HLA-DMB: variants seen among roughly 807,000 people sequenced by gnomAD.
HLA-DMB encodes the protein major histocompatibility complex, class II, DM beta.
In HLA-DMB, 18 loss-of-function variants were observed where a neutral mutation model predicts 29.3. The ratio of observed to expected loss-of-function variants is 0.62; its 90% CI spans 0.43 to 0.91. The LOEUF is 0.91. Ranked by LOEUF, HLA-DMB falls within the 40% of genes least tolerant of loss-of-function variation. The pLI is 0.00. For synonymous variants in HLA-DMB, 143 were observed against 128.7 expected, an observed-to-expected ratio of 1.11 and a Z score of -0.75; for missense variants, 258 against 320.9, an observed-to-expected ratio of 0.80 and a Z score of 1.50.
intron 3 of HLA-DMB, chr6:32,936,825 C>A: frequency 4.6e-6 from 1 of 216,774 alleles, no homozygotes; most frequent in Non-Finnish European, 9.1e-6. Context: ...AAATTTACAG[C>A]CTCATTTCAA....
At chr6:32,938,319 A>G (rs1561863033) in intron 2 of HLA-DMB, 1 of 242,386 alleles carries the variant, frequency 4.1e-6, no homozygotes, top group Non-Finnish European at 7.9e-6. Flanking sequence ...AGCATGTGTC[A>G]GAATCCCCTG....
rs987266097 is a variant in HLA-DMB at position 32,934,882 on chromosome 6, C to T, written c.*89G>A. ...GAAACCATAGGATCCAAGATAATGT[C>T]AGGGGGTTGAAGATGTTGGAGAGGC... is the stretch of plus-strand genomic sequence containing the variant. On this transcript the variant is annotated 3_prime_UTR_variant, in exon 6 of 6. Transcript: ENST00000418107. 3.2e-6 allele frequency: 4 copies of T among 1,246,736 alleles called. No homozygotes were observed. Among genetic ancestry groups the T allele is most frequent in the Non-Finnish European group, 4.7e-6 (4 of 849,044 alleles). 77.2% of individuals were successfully genotyped at this position (1,246,736 alleles called of 1,614,324 possible).
chr6:32,939,864 A>G (rs1297516254), intron 1 of HLA-DMB, among the ~76,000 whole-genome samples: 1 of 152,174 alleles, frequency 6.6e-6, no homozygotes, highest in East Asian at 1.9e-4. Context: ...TTTGTAGGCA[A>G]GTTGGACAGA....
Position 32,935,957 on chromosome 6 carries a change from C to G in HLA-DMB, c.623-305G>C. 7.1e-6 allele frequency: 3 copies of G among 423,122 alleles called. No individual in the cohort carries two copies. In the South Asian group the frequency reaches 1.0e-4, roughly 14 times the overall value. The allele number at this position is 423,122 out of a possible 1,614,324, so 26.2% of individuals were successfully genotyped here. On this transcript the variant is annotated intron_variant, in intron 3 of 5. Transcript: ENST00000418107. ...TTTCCTTCCTTTACCCCAAAGCCAC[C>G]CTTATCAGGATAAAGGGCTCCTCAC...
chr6:32,937,570 C>T lies in HLA-DMB; in HGVS notation c.338-114G>A. ...TAGATTTTGCAACCCACTTTCCACC[C>T]CAGCCCCCTCTGCCATGCTGCCCCT... On this transcript the variant is annotated intron_variant, in intron 2 of 5. Coordinates refer to ENST00000418107, the MANE Select transcript of HLA-DMB (RefSeq NM_002118.5). This position sits in a 1 kb window ranked among gnomAD's most constrained non-coding sequence, Gnocchi z 4.1. The T allele has an allele frequency of 4.3e-6, 4 of 925,576 alleles. No homozygotes were observed. Among genetic ancestry groups the T allele is most frequent in the Non-Finnish European group, 6.6e-6 (4 of 604,206 alleles). The allele number at this position is 925,576 out of a possible 1,614,324, so 57.3% of individuals were successfully genotyped here.
rs1201175678 is a variant in HLA-DMB at position 32,937,053 on chromosome 6, A to C, written c.622+119T>G. On this transcript the variant is annotated intron_variant, in intron 3 of 5. Transcript: ENST00000418107. The surrounding 1 kb of genome is among the most constrained non-coding windows in gnomAD (Gnocchi z 4.1). ...CCATTCTGGTCCTAAGCCCCCCGTA[A>C]GTTCCTCCAGACTCAGTCCCCATTT... is the stretch of plus-strand genomic sequence containing the variant. 1 of 754,448 alleles carries C rather than the reference A, an allele frequency of 1.3e-6. No homozygotes were observed. Among genetic ancestry groups the C allele is most frequent in the Non-Finnish European group, 2.0e-6 (1 of 489,630 alleles). The allele number at this position is 754,448 out of a possible 1,614,324, so 46.7% of individuals were successfully genotyped here.
chr6:32,937,224 G>C lies in HLA-DMB; in HGVS notation c.570C>G (p.Tyr190Ter). ...LALTPSYGDT[Y>*]TCVVEHTGAP... ...CCCCAGTGTGCTCTACCACACAGGT[G>C]TAAGTGTCCCCGTAAGAGGGGGTTA... Residue 190 changes from tyrosine to a stop codon, truncating the protein, a stop_gained, in exon 3 of 6, where the codon TAC (tyrosine) becomes TAG (stop). Transcript: ENST00000418107. LOFTEE classifies it high-confidence loss of function. This position sits in a 1 kb window ranked among gnomAD's most constrained non-coding sequence, Gnocchi z 4.1. The C allele has an allele frequency of 6.2e-7, 1 of 1,613,708 alleles. No individual in the cohort carries two copies. Among genetic ancestry groups the C allele is most frequent in the Middle Eastern group, 1.6e-4 (1 of 6,062 alleles).
In HLA-DMB at chr6:32,934,905, G is replaced by A. The variant is rs1775908626; in HGVS notation, c.*66C>T. 6.9e-7 allele frequency: 1 copy of A among 1,442,306 alleles called. No homozygotes were observed. Among genetic ancestry groups the A allele is most frequent in the Non-Finnish European group, 9.8e-7 (1 of 1,024,938 alleles). The allele number at this position is 1,442,306 out of a possible 1,614,324, so 89.3% of individuals were successfully genotyped here. A position where few individuals can be genotyped will look rare whatever the true frequency, so the allele number is the denominator to read the frequency against. ...GTCAGGGGGTTGAAGATGTTGGAGAGGCATGGTAGCATCATTGAGTTTGAA... is the reference window on the plus strand; with the variant it reads ...GTCAGGGGGTTGAAGATGTTGGAGAAGCATGGTAGCATCATTGAGTTTGAA... On this transcript the variant is annotated 3_prime_UTR_variant, in exon 6 of 6. Transcript: ENST00000418107.
In HLA-DMB at chr6:32,937,462, T is replaced by C; in HGVS notation, c.338-6A>G. 1 of 1,607,674 alleles carries C rather than the reference T, an allele frequency of 6.2e-7. No homozygotes were observed. The highest frequency in any genetic ancestry group is 1.3e-5 in the African/African-American group (1 of 74,802). On this transcript the variant is annotated splice_polypyrimidine_tract_variant and splice_region_variant and intron_variant, in intron 2 of 5. Transcript: ENST00000418107. The surrounding 1 kb of genome is among the most constrained non-coding windows in gnomAD (Gnocchi z 4.1). The stretch of plus-strand genomic sequence containing the variant: ...TACTTGCACAGATGGTGGCCCTGCA[T>C]AGGAGAAAAAAACATGTTTAGGAAG...
Position 32,940,787 on chromosome 6 carries a change from C to T in HLA-DMB, c.21G>A (p.Leu7=). 6.2e-7 allele frequency: 1 copy of T among 1,603,984 alleles called. No homozygotes were observed. The highest frequency in any genetic ancestry group is 8.5e-7 in the Non-Finnish European group (1 of 1,175,900). MITFLP[L]LLGLSLGCTG... ...TGCAGCCCAGGCTGAGCCCCAGCAG[C>T]AGCGGCAGGAATGTGATCATGCTCT... Residue 7 remains leucine (L), a synonymous_variant, in exon 1 of 6, where the codon CTG becomes CTA. Coordinates refer to ENST00000418107, the MANE Select transcript of HLA-DMB (RefSeq NM_002118.5).
Position 32,937,151 on chromosome 6 carries a change from A to G in HLA-DMB, c.622+21T>C. The G allele has an allele frequency of 6.5e-7, 1 of 1,548,224 alleles. No homozygotes were observed. ...TTTTCTCTGCTTTGACCCTAATTCC[A>G]TCCATCTGCCATACACTTACTCCAG... is the stretch of plus-strand genomic sequence containing the variant. On this transcript the variant is annotated intron_variant, in intron 3 of 5. Transcript: ENST00000418107. This position sits in a 1 kb window ranked among gnomAD's most constrained non-coding sequence, Gnocchi z 4.1.
In HLA-DMB at chr6:32,938,755, C is replaced by T. The variant is rs760417940; in HGVS notation, c.266G>A (p.Arg89His). The stretch of plus-strand genomic sequence containing the variant: ...ACAATTCTGAAGCCCATTGCGCAAG[C>T]GCTGCATCAGGGTGTCTTTTTGGTT... ...HLNQKDTLMQ[R>H]LRNGLQNCAT... Residue 89 changes from arginine (R) to histidine (H), a missense_variant, in exon 2 of 6, where the codon CGC (arginine) becomes CAC (histidine). By Grantham distance (29) the Arg-to-His change is conservative. Coordinates refer to ENST00000418107, the MANE Select transcript of HLA-DMB (RefSeq NM_002118.5). 2.5e-5 allele frequency: 40 copies of T among 1,601,990 alleles called. No homozygotes were observed. The highest frequency in any genetic ancestry group is 2.9e-5 in the Non-Finnish European group (34 of 1,174,722).
intron 1 of HLA-DMB, among the ~76,000 whole-genome samples, chr6:32,939,432 C>A (rs1776216947): frequency 6.6e-6 from 1 of 152,236 alleles, no homozygotes; most frequent in South Asian, 2.1e-4. Context: ...TACCCCAATT[C>A]TGTGGGGACA....
chr6:32,939,073 A>G, intron 1 of HLA-DMB, 108 bp from the exon 2 acceptor site: 1 of 709,808 alleles, frequency 1.4e-6, no homozygotes, highest in Non-Finnish European at 1.9e-6. Context: ...TATATAAAAC[A>G]TACAGACGTA....
chr6:32,937,429 G>A lies in HLA-DMB; in HGVS notation c.365C>T (p.Thr122Ile). ...TRPPSVQVAK[T>I]TPFNTREPVM... is the part of the protein sequence containing the mutation. ...AGGCTCCCTCGTGTTAAAAGGAGTGGTTTTGGCTACTTGCACAGATGGTGG... is the reference window on the plus strand; with the variant it reads ...AGGCTCCCTCGTGTTAAAAGGAGTGATTTTGGCTACTTGCACAGATGGTGG... The change falls in exon 3 of 6, where the codon ACC becomes ATC. Residue 122 changes from threonine to isoleucine, a missense_variant. By Grantham distance (89) the Thr-to-Ile change is moderately conservative (BLOSUM62 -1). Transcript: ENST00000418107. This position sits in a 1 kb window ranked among gnomAD's most constrained non-coding sequence, Gnocchi z 4.1. The A allele has an allele frequency of 6.2e-7, 1 of 1,614,098 alleles. No individual in the cohort carries two copies. The highest frequency in any genetic ancestry group is 8.5e-7 in the Non-Finnish European group (1 of 1,179,996).
chr6:32,935,220 G>T, intron 5 of HLA-DMB, 122 bp downstream of exon 5: 1 of 908,564 alleles, frequency 1.1e-6, no homozygotes, highest in Non-Finnish European at 1.8e-6. Context: ...TCATGCCCTT[G>T]CCTAGATCCT....
chr6:32,940,351 T>C (rs955007407), intron 1 of HLA-DMB, among the ~76,000 whole-genome samples: 1 of 151,886 alleles, frequency 6.6e-6, no homozygotes, highest in Non-Finnish European at 1.5e-5. Flanking sequence ...TGTTTAAACA[T>C]GACAATTTGC....
intron 2 of HLA-DMB, chr6:32,938,402 A>ACATCT (rs1246044455): frequency 2.7e-6 from 1 of 375,264 alleles, no homozygotes; most frequent in African/African-American, 2.1e-5. Context: ...CAAGGCAAGA[A>ACATCT]CATCTTGGGT....
rs748615162 is a variant in HLA-DMB at position 32,938,948 on chromosome 6, C to T, written c.73G>A (p.Val25Met). The T allele has an allele frequency of 6.3e-7, 1 of 1,576,552 alleles. No homozygotes were observed. ...TCATCCAACAGACAGGTGCTTTCCA[C>T]ATGGGCCACGAAGCCACCTAGAGGA... ...CTGAGGFVAHVESTCLLDDAG... is the reference protein window; with the variant it reads ...CTGAGGFVAHMESTCLLDDAG... The change falls in exon 2 of 6, where the codon GTG (valine) becomes ATG (methionine). Residue 25 changes from valine (V) to methionine (M), a missense_variant. Physicochemically the swap from Val to Met is conservative, Grantham distance 21. Coordinates refer to ENST00000418107, the MANE Select transcript of HLA-DMB (RefSeq NM_002118.5).
Sources: gnomAD v4.1 joint callset for allele counts (sites outside exome capture counted in the v4.1 genomes callset) on GRCh38, gnomAD v4.1.1 for gene constraint, Gnocchi (gnomAD v3.1) non-coding constraint, MANE v1.5 for transcripts, NCBI Gene and HGNC (gene_info 2026-07-23, HGNC 2026-07-21) for gene names.